Variants in PRRX2 observed in about 807,000 individuals in gnomAD.
PRRX2 encodes paired related homeobox 2, also known as paired mesoderm homeobox protein 2.
A neutral mutation model predicts 18.0 loss-of-function variants in PRRX2; 11 were observed. The ratio of observed to expected loss-of-function variants is 0.61; its 90% CI spans 0.39 to 1.01. The LOEUF (loss-of-function observed/expected upper bound fraction) is 1.01. PRRX2 is among the 50% of genes least tolerant of loss of function. The pLI, the probability that PRRX2 is intolerant of heterozygous loss-of-function variation, is 0.01. For synonymous variants in PRRX2, 177 were observed against 154.8 expected (o/e 1.14, Z -1.06); for missense variants, 387 against 351.0 (o/e 1.10, Z -0.82).
chr9:129,705,756 C>A (rs13296063), intron 1 of PRRX2, among the ~76,000 whole-genome samples: 5 of 152,204 alleles, frequency 3.3e-5, no homozygotes, highest in Admixed American at 1.3e-4. Flanking sequence ...TGCTGTGACC[C>A]GGCCGCATGG....
rs2241898 is a variant in PRRX2, at chr9:129,722,486, G to A, written c.*134G>A. 8.5e-5 allele frequency: 84 copies of A among 987,782 alleles called. No individual in the cohort carries two copies. In the East Asian group the frequency reaches 2.7e-3, roughly 31 times the overall value. The allele number at this position is 987,782 out of a possible 1,614,324, so 61.2% of individuals were successfully genotyped here. A position where few individuals can be genotyped will look rare whatever the true frequency, so the allele number is the denominator to read the frequency against. ...GTCCAGCCTGGACTCCCGAGCCCAC[G>A]AGGCTGTTGAGGCCCCTGCAGCCGG... On this transcript the variant is annotated 3_prime_UTR_variant, in exon 4 of 4. Coordinates refer to ENST00000372469, the MANE Select transcript of PRRX2 (RefSeq NM_016307.4).
intron 1 of PRRX2, among the ~76,000 whole-genome samples, chr9:129,682,975 G>A (rs969621520): frequency 1.3e-5 from 2 of 152,156 alleles, no homozygotes; most frequent in African/African-American, 4.8e-5. Context: ...CAGCATGGTG[G>A]CATGCACCTG....
At chr9:129,678,777 C>G (rs557197515) in intron 1 of PRRX2, among the ~76,000 whole-genome samples, 2 of 152,140 alleles carry the variant, frequency 1.3e-5, no homozygotes, top group African/African-American at 2.4e-5. Flanking sequence ...AGTGGCCACT[C>G]ACTCCGGCCC....
intron 1 of PRRX2, among the ~76,000 whole-genome samples, chr9:129,689,439 C>T (rs1390951400): frequency 7.9e-6 from 1 of 126,070 alleles, no homozygotes; most frequent in African/African-American, 2.8e-5. Flanking sequence ...TTCCCATTCT[C>T]CCATCTCCCA....
chr9:129,710,560 C>G (rs1266993118), intron 1 of PRRX2, among the ~76,000 whole-genome samples: 1 of 152,092 alleles, frequency 6.6e-6, no homozygotes, highest in Non-Finnish European at 1.5e-5. Context: ...GGTGAAACCC[C>G]GTCTCTACTA....
chr9:129,675,231 T>C lies in PRRX2; in HGVS notation c.259+9105T>C, dbSNP rs1271196815. On this transcript the variant is annotated intron_variant, in intron 1 of 3. Transcript: ENST00000372469. The surrounding 1 kb of genome is among the most constrained non-coding windows in gnomAD (Gnocchi z 4.4). Reference sequence around the variant, plus strand: ...CAGGGACTGGATTTTGTGCCAAAGCTGCACTGCCGGGTCTAGGAGGAAGTA... The same window carrying C: ...CAGGGACTGGATTTTGTGCCAAAGCCGCACTGCCGGGTCTAGGAGGAAGTA... Among the ~76,000 whole-genome samples the C allele has an allele frequency of 6.6e-6, 1 of 152,172 alleles. No homozygotes were observed. Among genetic ancestry groups the C allele is most frequent in the African/African-American group, 2.4e-5 (1 of 41,436 alleles).
intron 1 of PRRX2, among the ~76,000 whole-genome samples, chr9:129,706,981 T>G (rs943211691): frequency 6.6e-6 from 1 of 152,094 alleles, no homozygotes; most frequent in African/African-American, 2.4e-5. Flanking sequence ...TAGGGCCTGG[T>G]GCAGTGGCTC....
chr9:129,694,821 G>A (rs1832400324), intron 1 of PRRX2, among the ~76,000 whole-genome samples: 1 of 152,076 alleles, frequency 6.6e-6, no homozygotes, highest in African/African-American at 2.4e-5. Context: ...GCAGCGGAGG[G>A]AGCCCCATTC....
chr9:129,720,524 C>T, intron 2 of PRRX2, 72 bp from the exon 3 acceptor site: 4 of 1,421,470 alleles, frequency 2.8e-6, no homozygotes, highest in Non-Finnish European at 3.8e-6. Flanking sequence ...ACAGAGCAGG[C>T]ACACACCCAG....
rs1321432117 is a variant in PRRX2 at position 129,719,426 on chromosome 9, C to T, written c.447+8C>T. On this transcript the variant is annotated splice_region_variant and intron_variant, in intron 2 of 3. Transcript: ENST00000372469. The stretch of plus-strand genomic sequence containing the variant: ...AGCGAGGCGCGCGTTCAGGTGAGCG[C>T]TCAGTCCCGGGCCTCCCGTGGGAGC... The T allele has an allele frequency of 3.0e-5, 45 of 1,518,108 alleles. No individual in the cohort carries two copies. The highest frequency in any genetic ancestry group is 3.7e-5 in the Non-Finnish European group (42 of 1,131,550). 94.0% of individuals were successfully genotyped at this position (1,518,108 alleles called of 1,614,324 possible).
chr9:129,716,785 GA>G (rs1832713843), intron 1 of PRRX2, among the ~76,000 whole-genome samples: 1 of 152,024 alleles, frequency 6.6e-6, no homozygotes, highest in South Asian at 2.1e-4. Flanking sequence ...AAGAAAGGGA[GA>G]AAATATTACA....
In PRRX2 at chr9:129,721,648, C is replaced by T. The variant is rs568435434; in HGVS notation, c.627-569C>T. Among the ~76,000 whole-genome samples, 258 of 152,154 alleles carry T rather than the reference C, an allele frequency of 1.7e-3. 2 individuals are homozygous for T. The highest frequency in any genetic ancestry group is 3.4e-3 in the Middle Eastern group (1 of 294). On this transcript the variant is annotated intron_variant, in intron 3 of 3. Transcript: ENST00000372469. ...AGGCTGGAGTGCAGTGGTGCAATCT[C>T]GGCTCACTGCAACCTCCGCCTCCCA...
chr9:129,698,259 G>C, intron 1 of PRRX2, among the ~76,000 whole-genome samples: 1 of 30,510 alleles, frequency 3.3e-5, no homozygotes, highest in South Asian at 1.2e-3. Context: ...GGATGGGGCG[G>C]GGGGGGGGGG....
chr9:129,718,838 G>A (rs1832748552), intron 1 of PRRX2, among the ~76,000 whole-genome samples: 1 of 152,112 alleles, frequency 6.6e-6, no homozygotes, highest in East Asian at 1.9e-4. Flanking sequence ...AGCCTGGGCC[G>A]GGTGCTGGGG....
intron 1 of PRRX2, among the ~76,000 whole-genome samples, chr9:129,685,326 C>T (rs1447255593): frequency 6.6e-6 from 1 of 152,270 alleles, no homozygotes; most frequent in Non-Finnish European, 1.5e-5. Context: ...CGTGCCATCA[C>T]AGGCAGTCCA....
In PRRX2 at chr9:129,722,081, T is replaced by C. The variant is rs1429349257; in HGVS notation, c.627-136T>C. The C allele has an allele frequency of 1.0e-5, 13 of 1,275,138 alleles. No individual in the cohort carries two copies. The African/African-American group carries it at 1.8e-4, about 18-fold the overall frequency. 79.0% of individuals were successfully genotyped at this position (1,275,138 alleles called of 1,614,324 possible). On this transcript the variant is annotated intron_variant, in intron 3 of 3. Coordinates refer to ENST00000372469, the MANE Select transcript of PRRX2 (RefSeq NM_016307.4). ...CCTGCCCAAACCCTACAGCTCCAAATCACCCCCAGTCCTGGGTGAAGGCTG... is the reference window on the plus strand; with the variant it reads ...CCTGCCCAAACCCTACAGCTCCAAACCACCCCCAGTCCTGGGTGAAGGCTG...
chr9:129,716,159 A>G (rs545911117), intron 1 of PRRX2, among the ~76,000 whole-genome samples: 11 of 152,344 alleles, frequency 7.2e-5, no homozygotes, highest in African/African-American at 2.6e-4. Context: ...GCATTCACTC[A>G]TTGGCCCAGA....
chr9:129,707,218 T>C (rs1373211012), intron 1 of PRRX2, among the ~76,000 whole-genome samples: 6 of 152,012 alleles, frequency 3.9e-5, no homozygotes, highest in Non-Finnish European at 4.4e-5. Flanking sequence ...ATGGCGCCAC[T>C]GCACTCCAGC....
chr9:129,666,567 G>GCCCCCCCCCCCCCCC (rs563976736), intron 1 of PRRX2, among the ~76,000 whole-genome samples: 1 of 96,028 alleles, frequency 1.0e-5, no homozygotes, highest in African/African-American at 5.9e-5. Flanking sequence ...GAGGGTGCCT[G>GCCCCCCCCCCCCCCC]CCCACCCCCC....
Sources: allele counts gnomAD v4.1 joint callset (sites outside exome capture counted in the v4.1 genomes callset), GRCh38; gene constraint gnomAD v4.1.1; non-coding constraint Gnocchi (gnomAD v3.1); transcripts MANE v1.5; gene names NCBI Gene and HGNC (gene_info 2026-07-23, HGNC 2026-07-21).